PABPC3: variants seen among roughly 807,000 people sequenced by gnomAD.
The protein encoded by PABPC3 is polyadenylate-binding protein 3.
A neutral mutation model predicts 43.0 loss-of-function variants in PABPC3; 43 were observed. That is an observed-to-expected ratio of 1.00 (90% CI 0.78 to 1.29). The LOEUF (loss-of-function observed/expected upper bound fraction) is 1.29. Ranked by LOEUF, PABPC3 falls within the 50% of genes most tolerant of loss-of-function variation. The pLI is 0.00. For missense variants in PABPC3, 784 were observed against 798.1 expected (o/e 0.98, Z 0.21); for synonymous variants, 221 against 274.6 (o/e 0.80, Z 1.93).
At position 25,096,748 on chromosome 13, in the gene PABPC3, G is replaced by A. The variant is rs1956040685; in HGVS notation, c.550G>A (p.Gly184Arg). 6.2e-7 allele frequency: 1 copy of A among 1,614,310 alleles called. No homozygotes were observed. The highest frequency in any genetic ancestry group is 8.5e-7 in the Non-Finnish European group (1 of 1,180,058). The change falls in exon 1 of 1, where the codon GGA becomes AGA. Residue 184 changes from glycine (G) to arginine (R), a missense_variant. Physicochemically the swap from Gly to Arg is moderately radical, Grantham distance 125. Coordinates refer to ENST00000281589, the MANE Select transcript of PABPC3 (RefSeq NM_030979.3). ...TCGTAAAGAACGAGAAGCTGAACTT[G>A]GAGCTAGGGCAAAAGAGTTCCCCAA... Reference protein sequence around the residue: ...KSRKEREAELGARAKEFPNVY... With the variant: ...KSRKEREAELRARAKEFPNVY...
Position 25,097,244 on chromosome 13 carries a change from C to A in PABPC3, c.1046C>A (p.Ala349Glu). Residue 349 changes from alanine to glutamate, a missense_variant, in exon 1 of 1, where the codon GCA becomes GAA. Transcript: ENST00000281589. ...CFSSPEEATK[A>E]VTEMNGRIVA... The stretch of plus-strand genomic sequence containing the variant: ...TCCTCCCCAGAAGAAGCCACTAAAG[C>A]AGTTACAGAAATGAACGGTAGAATT... The A allele has an allele frequency of 6.2e-7, 1 of 1,614,294 alleles. No homozygotes were observed. Among genetic ancestry groups the A allele is most frequent in the Non-Finnish European group, 8.5e-7 (1 of 1,180,054 alleles).
Position 25,098,367 on chromosome 13 carries a change from G to A in PABPC3, c.*273G>A, listed in dbSNP as rs1180371236. ...AAAAAATCGTAAAATACAAAAACCA[G>A]TTAATGTTTTGTAGACCCTGGGAAA... is the stretch of plus-strand genomic sequence containing the variant. On this transcript the variant is annotated 3_prime_UTR_variant, in exon 1 of 1. Coordinates refer to ENST00000281589, the MANE Select transcript of PABPC3 (RefSeq NM_030979.3). 1 of 341,154 alleles carries A rather than the reference G, an allele frequency of 2.9e-6. No homozygotes were observed. The highest frequency in any genetic ancestry group is 5.6e-6 in the Non-Finnish European group (1 of 180,082). 21.1% of individuals were successfully genotyped at this position (341,154 alleles called of 1,614,324 possible).
chr13:25,097,521 C>G lies in PABPC3; in HGVS notation c.1323C>G (p.Phe441Leu). The change falls in exon 1 of 1, where the codon TTC (phenylalanine) becomes TTG (leucine). Residue 441 changes from phenylalanine to leucine, a missense_variant. Physicochemically the swap from Phe to Leu is conservative, Grantham distance 22. Transcript: ENST00000281589. ...WTAQGARPHP[F>L]QNKPSAIRPG... ...CTCAGGGTGCCAGACCTCATCCATT[C>G]CAAAATAAGCCCAGTGCTATCCGCC... is the stretch of plus-strand genomic sequence containing the variant. The G allele has an allele frequency of 6.2e-7, 1 of 1,614,250 alleles. No individual in the cohort carries two copies. The highest frequency in any genetic ancestry group is 8.5e-7 in the Non-Finnish European group (1 of 1,180,050).
At position 25,096,536 on chromosome 13, in the gene PABPC3, A is replaced by G; in HGVS notation, c.338A>G (p.Lys113Arg). ...AATCTGGATAAGTCCATTAATAATA[A>G]AGCACTGTATGATACAGTTTCTGCT... ...VKNLDKSINN[K>R]ALYDTVSAFG... The change falls in exon 1 of 1, where the codon AAA becomes AGA. Residue 113 changes from lysine (K) to arginine (R), a missense_variant. Lys to Arg is a conservative substitution (Grantham distance 26). Coordinates refer to ENST00000281589, the MANE Select transcript of PABPC3 (RefSeq NM_030979.3). 1 of 1,614,226 alleles carries G rather than the reference A, an allele frequency of 6.2e-7. No individual in the cohort carries two copies. The highest frequency in any genetic ancestry group is 8.5e-7 in the Non-Finnish European group (1 of 1,180,036).
chr13:25,098,329 T>G lies in PABPC3; in HGVS notation c.*235T>G. On this transcript the variant is annotated 3_prime_UTR_variant, in exon 1 of 1. Transcript: ENST00000281589. ...AAAACAAAAAAAAGATTACTTAATT[T>G]TGATTTAAAAACAAAAAATCGTAAA... 2.4e-6 allele frequency: 1 copy of G among 424,708 alleles called. No individual in the cohort carries two copies. The allele number at this position is 424,708 out of a possible 1,614,324, so 26.3% of individuals were successfully genotyped here. A position where few individuals can be genotyped will look rare whatever the true frequency, so the allele number is the denominator to read the frequency against.
Position 25,096,751 on chromosome 13 carries a change from G to A in PABPC3, c.553G>A (p.Ala185Thr). The A allele has an allele frequency of 6.2e-7, 1 of 1,614,298 alleles. No homozygotes were observed. The highest frequency in any genetic ancestry group is 8.5e-7 in the Non-Finnish European group (1 of 1,180,054). ...SRKEREAELGARAKEFPNVYI... is the reference protein window; with the variant it reads ...SRKEREAELGTRAKEFPNVYI... ...TAAAGAACGAGAAGCTGAACTTGGA[G>A]CTAGGGCAAAAGAGTTCCCCAATGT... The change falls in exon 1 of 1, where the codon GCT (alanine) becomes ACT (threonine). Residue 185 changes from alanine to threonine, a missense_variant. Coordinates refer to ENST00000281589, the MANE Select transcript of PABPC3 (RefSeq NM_030979.3).
chr13:25,097,769 A>G lies in PABPC3; in HGVS notation c.1571A>G (p.Gln524Arg). 6.2e-7 allele frequency: 1 copy of G among 1,614,176 alleles called. No individual in the cohort carries two copies. ...CAGCAACATCGTAATGCACAGCCAC[A>G]AGTTACAATGCAACAGCTTGCTGTT... is the stretch of plus-strand genomic sequence containing the variant. ...NPQQHRNAQP[Q>R]VTMQQLAVHV... Residue 524 changes from glutamine to arginine, a missense_variant, in exon 1 of 1, where the codon CAA becomes CGA. Physicochemically the swap from Gln to Arg is conservative, Grantham distance 43. Coordinates refer to ENST00000281589, the MANE Select transcript of PABPC3 (RefSeq NM_030979.3).
rs1309185088 is a variant in PABPC3, at chr13:25,097,317, G to GCGC, written c.1121_1123dup (p.Arg374dup). 1.2e-6 allele frequency: 2 copies of GCGC among 1,614,246 alleles called. No homozygotes were observed. The highest frequency in any genetic ancestry group is 1.7e-6 in the Non-Finnish European group (2 of 1,180,048). ...TAGCTTTAGCTCAGCGCAAAGAAGA[G>GCGC]CGCCAGGCTTACCTCACTAACGAGT... On this transcript the variant is annotated inframe_insertion, in exon 1 of 1. Coordinates refer to ENST00000281589, the MANE Select transcript of PABPC3 (RefSeq NM_030979.3).
Position 25,096,446 on chromosome 13 carries a change from G to A in PABPC3, c.248G>A (p.Arg83His), listed in dbSNP as rs149251816. The A allele has an allele frequency of 6.2e-6, 10 of 1,614,110 alleles. No individual in the cohort carries two copies. The highest frequency in any genetic ancestry group is 8.5e-6 in the Non-Finnish European group (10 of 1,180,048). ...NFDVIKGKPV[R>H]IMWSQRDPSL... ...GATGTTATAAAGGGCAAGCCAGTAC[G>A]CATCATGTGGTCTCAGCGTGATCCA... Residue 83 changes from arginine (R) to histidine (H), a missense_variant, in exon 1 of 1, where the codon CGC becomes CAC. Physicochemically the swap from Arg to His is conservative, Grantham distance 29. Transcript: ENST00000281589.
At position 25,097,624 on chromosome 13, in the gene PABPC3, G is replaced by C. The variant is rs1384533811; in HGVS notation, c.1426G>C (p.Val476Leu). ...TCCACGAGTCATGTCAACGCAGCGT[G>C]TTGCTAACACATCAACACAGACAGT... ...QVPRVMSTQR[V>L]ANTSTQTVGP... The change falls in exon 1 of 1, where the codon GTT (valine) becomes CTT (leucine). Residue 476 changes from valine to leucine, a missense_variant. Transcript: ENST00000281589. 3 of 1,614,206 alleles carry C rather than the reference G, an allele frequency of 1.9e-6. No individual in the cohort carries two copies. The highest frequency in any genetic ancestry group is 1.6e-4 in the Middle Eastern group (1 of 6,062).
Position 25,097,014 on chromosome 13 carries a change from G to A in PABPC3, c.816G>A (p.Arg272=). 5.5e-6 allele frequency: 5 copies of A among 909,586 alleles called. No individual in the cohort carries two copies. The highest frequency in any genetic ancestry group is 5.1e-6 in the Non-Finnish European group (4 of 784,314). 56.3% of individuals were successfully genotyped at this position (909,586 alleles called of 1,614,324 possible). A position where few individuals can be genotyped will look rare whatever the true frequency, so the allele number is the denominator to read the frequency against. The change falls in exon 1 of 1, where the codon CGG becomes CGA. Residue 272 remains arginine (R), a synonymous_variant. Coordinates refer to ENST00000281589, the MANE Select transcript of PABPC3 (RefSeq NM_030979.3). ...YVGRAQKKVE[R]QTELKRTFEQ... The stretch of plus-strand genomic sequence containing the variant: ...GTCGAGCTCAGAAAAAAGTGGAACG[G>A]CAGACGGAACTTAAGCGCACATTTG...
chr13:25,097,031 G>A lies in PABPC3; in HGVS notation c.833G>A (p.Arg278His), dbSNP rs202153803. Residue 278 changes from arginine (R) to histidine (H), a missense_variant, in exon 1 of 1, where the codon CGC becomes CAC. Transcript: ENST00000281589. The stretch of plus-strand genomic sequence containing the variant: ...GTGGAACGGCAGACGGAACTTAAGC[G>A]CACATTTGAACAGATGAAGCAAGAT... Reference protein sequence around the residue: ...KKVERQTELKRTFEQMKQDRI... With the variant: ...KKVERQTELKHTFEQMKQDRI... 7.9e-5 allele frequency: 127 copies of A among 1,600,170 alleles called. No individual in the cohort carries two copies. The highest frequency in any genetic ancestry group is 1.0e-4 in the Non-Finnish European group (120 of 1,174,994).
At position 25,096,265 on chromosome 13, in the gene PABPC3, A is replaced by C; in HGVS notation, c.67A>C (p.Thr23Pro). 2 of 1,614,232 alleles carry C rather than the reference A, an allele frequency of 1.2e-6. No homozygotes were observed. Among genetic ancestry groups the C allele is most frequent in the South Asian group, 2.2e-5 (2 of 91,084 alleles). ...LYVGDLHPDV[T>P]EAMLYEKFSP... ...CGTGGGGGACCTCCACCCCGACGTG[A>C]CTGAGGCGATGCTCTACGAGAAGTT... The change falls in exon 1 of 1, where the codon ACT (threonine) becomes CCT (proline). Residue 23 changes from threonine to proline, a missense_variant. Physicochemically the swap from Thr to Pro is conservative, Grantham distance 38. Coordinates refer to ENST00000281589, the MANE Select transcript of PABPC3 (RefSeq NM_030979.3).
At position 25,097,017 on chromosome 13, in the gene PABPC3, G is replaced by T; in HGVS notation, c.819G>T (p.Gln273His). The change falls in exon 1 of 1, where the codon CAG (glutamine) becomes CAT (histidine). Residue 273 changes from glutamine (Q) to histidine (H), a missense_variant. Physicochemically the swap from Gln to His is conservative, Grantham distance 24 (BLOSUM62 0). Coordinates refer to ENST00000281589, the MANE Select transcript of PABPC3 (RefSeq NM_030979.3). The stretch of plus-strand genomic sequence containing the variant: ...GAGCTCAGAAAAAAGTGGAACGGCA[G>T]ACGGAACTTAAGCGCACATTTGAAC... ...VGRAQKKVER[Q>H]TELKRTFEQM... is the part of the protein sequence containing the mutation. 1.1e-6 allele frequency: 1 copy of T among 905,612 alleles called. No homozygotes were observed. 56.1% of individuals were successfully genotyped at this position (905,612 alleles called of 1,614,324 possible).
Position 25,098,173 on chromosome 13 carries a change from A to C in PABPC3, c.*79A>C. ...AAACATCGAGAAACTATGGGAAAAA[A>C]AATTGCAAAATCTAAAATAAAAAAT... is the stretch of plus-strand genomic sequence containing the variant. On this transcript the variant is annotated 3_prime_UTR_variant, in exon 1 of 1. Coordinates refer to ENST00000281589, the MANE Select transcript of PABPC3 (RefSeq NM_030979.3). 7.5e-7 allele frequency: 1 copy of C among 1,339,314 alleles called. No individual in the cohort carries two copies. Among genetic ancestry groups the C allele is most frequent in the Middle Eastern group, 1.9e-4 (1 of 5,384 alleles). 83.0% of individuals were successfully genotyped at this position (1,339,314 alleles called of 1,614,324 possible). A position where few individuals can be genotyped will look rare whatever the true frequency, so the allele number is the denominator to read the frequency against.
rs1273736635 is a variant in PABPC3, at chr13:25,098,167, G to GA, written c.*81dup. ...ATATCTAAACATCGAGAAACTATGG[G>GA]AAAAAAAATTGCAAAATCTAAAATA... On this transcript the variant is annotated 3_prime_UTR_variant, in exon 1 of 1. Coordinates refer to ENST00000281589, the MANE Select transcript of PABPC3 (RefSeq NM_030979.3). The GA allele has an allele frequency of 3.6e-5, 49 of 1,373,992 alleles. No homozygotes were observed. Among genetic ancestry groups the GA allele is most frequent in the South Asian group, 5.2e-5 (4 of 77,560 alleles). The allele number at this position is 1,373,992 out of a possible 1,614,324, so 85.1% of individuals were successfully genotyped here. A position where few individuals can be genotyped will look rare whatever the true frequency, so the allele number is the denominator to read the frequency against.
In PABPC3 at chr13:25,096,824, A is replaced by G. The variant is rs1327785850; in HGVS notation, c.626A>G (p.Asp209Gly). The change falls in exon 1 of 1, where the codon GAT becomes GGT. Residue 209 changes from aspartate (D) to glycine (G), a missense_variant. By Grantham distance (94) the Asp-to-Gly change is moderately conservative (BLOSUM62 -1). Transcript: ENST00000281589. ...GEDMDDERLK[D>G]LFGKFGPALS... is the part of the protein sequence containing the mutation. ...GACATGGATGATGAGCGCCTTAAGGATCTCTTTGGCAAGTTCGGGCCCGCC... is the reference window on the plus strand; with the variant it reads ...GACATGGATGATGAGCGCCTTAAGGGTCTCTTTGGCAAGTTCGGGCCCGCC... The G allele has an allele frequency of 7.4e-6, 12 of 1,614,298 alleles. No homozygotes were observed. The highest frequency in any genetic ancestry group is 1.0e-5 in the Non-Finnish European group (12 of 1,180,052).
rs142477835 is a variant in PABPC3 at position 25,096,979 on chromosome 13, A to C, written c.781A>C (p.Ile261Leu). 2 of 1,614,168 alleles carry C rather than the reference A, an allele frequency of 1.2e-6. No individual in the cohort carries two copies. The highest frequency in any genetic ancestry group is 2.7e-5 in the African/African-American group (2 of 74,964). Residue 261 changes from isoleucine to leucine, a missense_variant, in exon 1 of 1, where the codon ATT (isoleucine) becomes CTT (leucine). Ile to Leu is a conservative substitution (Grantham distance 5). Transcript: ENST00000281589. ...MNGKELNGKQIYVGRAQKKVE... is the reference protein window; with the variant it reads ...MNGKELNGKQLYVGRAQKKVE... ...TGGAAAGGAGCTCAATGGAAAACAA[A>C]TTTACGTTGGTCGAGCTCAGAAAAA...
chr13:25,098,043 A>G lies in PABPC3; in HGVS notation c.1845A>G (p.Lys615=), dbSNP rs1956057168. The change falls in exon 1 of 1, where the codon AAA becomes AAG. Residue 615 remains lysine, a synonymous_variant. Transcript: ENST00000281589. ...CTGTACTACAAGCCCACCAAGCTAA[A>G]GAGGCTACCCAGAAAGCAGTTAACA... is the stretch of plus-strand genomic sequence containing the variant. ...AVAVLQAHQA[K]EATQKAVNSA... The G allele has an allele frequency of 1.2e-6, 2 of 1,613,918 alleles. No homozygotes were observed. Among genetic ancestry groups the G allele is most frequent in the Admixed American group, 1.7e-5 (1 of 59,994 alleles).
Sources: gnomAD v4.1 joint callset for allele counts on GRCh38, gnomAD v4.1.1 for gene constraint, MANE v1.5 for transcripts, NCBI Gene and HGNC (gene_info 2026-07-23, HGNC 2026-07-21) for gene names.